Variants in SSBP2 observed in about 807,000 individuals in gnomAD.
SSBP2 encodes the protein single stranded DNA binding protein 2, also known as single-stranded DNA-binding protein 2.
Under a neutral mutation model 61.8 loss-of-function variants are expected in SSBP2, and 17 were observed. That is an observed-to-expected ratio of 0.28 (90% CI 0.19 to 0.41). The LOEUF (loss-of-function observed/expected upper bound fraction) is 0.41. Among genes scored for constraint, SSBP2 ranks in the 10% least tolerant of loss-of-function variants. The pLI is 1.00. For synonymous variants in SSBP2, 139 were observed against 141.3 expected, an observed-to-expected ratio of 0.98 and a Z score of 0.12; for missense variants, 310 against 458.7, an observed-to-expected ratio of 0.68 and a Z score of 2.96.
intron 2 of SSBP2, among the ~76,000 whole-genome samples, chr5:81,647,858 G>A (rs1732689806): frequency 1.3e-5 from 2 of 152,058 alleles, no homozygotes; most frequent in Non-Finnish European, 2.9e-5. Flanking sequence ...CAAAGCCTAG[G>A]AGTCTAGTAT....
At chr5:81,609,806 C>T (rs889243482) in intron 4 of SSBP2, among the ~76,000 whole-genome samples, 1 of 152,146 alleles carries the variant, frequency 6.6e-6, no homozygotes, top group Non-Finnish European at 1.5e-5. Flanking sequence ...TTGTGCCCAC[C>T]TTTCAGTGGT....
At chr5:81,465,013 T>TA (rs1395261272) in intron 9 of SSBP2, among the ~76,000 whole-genome samples, 1 of 152,012 alleles carries the variant, frequency 6.6e-6, no homozygotes, top group Non-Finnish European at 1.5e-5. Context: ...ATATAATAGT[T>TA]ACACTCTTAT....
At chr5:81,503,990 G>A (rs1182584005) in intron 5 of SSBP2, among the ~76,000 whole-genome samples, 14 of 152,146 alleles carry the variant, frequency 9.2e-5, no homozygotes, top group Admixed American at 9.2e-4. Flanking sequence ...CTTGAGGGTG[G>A]AAGGTGGGAG....
intron 1 of SSBP2, among the ~76,000 whole-genome samples, chr5:81,690,894 C>T (rs1374934476): frequency 1.3e-5 from 2 of 151,924 alleles, no homozygotes; most frequent in Non-Finnish European, 2.9e-5. Flanking sequence ...GAAATAAAAC[C>T]AGAACTCGGT....
chr5:81,642,102 G>A (rs578020216), intron 2 of SSBP2, among the ~76,000 whole-genome samples: 1 of 152,242 alleles, frequency 6.6e-6, no homozygotes, highest in African/African-American at 2.4e-5. Context: ...ATGATGGGTG[G>A]TATTGAGGAA....
Position 81,531,682 on chromosome 5 carries a change from C to T in SSBP2, c.283-17965G>A, listed in dbSNP as rs555141881. On this transcript the variant is annotated intron_variant, in intron 4 of 16. Coordinates refer to ENST00000320672, the MANE Select transcript of SSBP2 (RefSeq NM_012446.5). Reference sequence around the variant, plus strand: ...GCTGTAGACCAATCATTTTAAAATGCTAGATAAGAAAGACAGTAAAGAAAT... The same window carrying T: ...GCTGTAGACCAATCATTTTAAAATGTTAGATAAGAAAGACAGTAAAGAAAT... 2.6e-5 allele frequency among the ~76,000 whole-genome samples: 4 copies of T among 152,032 alleles called. No homozygotes were observed. The East Asian group carries it at 7.8e-4, about 29-fold the overall frequency.
intron 12 of SSBP2, among the ~76,000 whole-genome samples, chr5:81,444,849 G>A (rs1763270150): frequency 6.6e-6 from 1 of 151,794 alleles, no homozygotes; most frequent in Admixed American, 6.6e-5. Context: ...ATGGCCAGGC[G>A]AGGTGGCTCA....
intron 1 of SSBP2, among the ~76,000 whole-genome samples, chr5:81,658,701 C>T (rs1750438098): frequency 6.6e-6 from 1 of 152,042 alleles, no homozygotes; most frequent in Admixed American, 6.6e-5. Context: ...AACGTAATGT[C>T]CTCCAGGTTC....
intron 1 of SSBP2, among the ~76,000 whole-genome samples, chr5:81,750,338 C>T (rs1221772695): frequency 1.4e-5 from 2 of 147,258 alleles, no homozygotes; most frequent in Admixed American, 6.7e-5. Flanking sequence ...GACGCCCAAC[C>T]CGCACACGCC....
chr5:81,533,437 A>C lies in SSBP2; in HGVS notation c.283-19720T>G, dbSNP rs76330324. Among the ~76,000 whole-genome samples, 69 of 152,238 alleles carry C rather than the reference A, an allele frequency of 4.5e-4. No homozygotes were observed. The East Asian group carries it at 0.013, about 28-fold the overall frequency. On this transcript the variant is annotated intron_variant, in intron 4 of 16. Coordinates refer to ENST00000320672, the MANE Select transcript of SSBP2 (RefSeq NM_012446.5). ...ACCAGAAAAGGAAATGTAAGAAAAGAAAACACAGTCAACATCCCTCATAAA... is the reference window on the plus strand; with the variant it reads ...ACCAGAAAAGGAAATGTAAGAAAAGCAAACACAGTCAACATCCCTCATAAA...
chr5:81,446,244 A>T (rs1763393152), intron 12 of SSBP2, among the ~76,000 whole-genome samples: 1 of 150,712 alleles, frequency 6.6e-6, no homozygotes, highest in Admixed American at 6.6e-5. Flanking sequence ...ACTGTTAACA[A>T]CCCCAAGACA....
intron 1 of SSBP2, among the ~76,000 whole-genome samples, chr5:81,700,628 C>A (rs1011017137): frequency 6.6e-6 from 1 of 152,248 alleles, no homozygotes; most frequent in Admixed American, 6.5e-5. Flanking sequence ...TTCAACTACA[C>A]TGAAAATCTC....
chr5:81,488,930 G>A (rs1766643588), intron 6 of SSBP2, among the ~76,000 whole-genome samples: 2 of 152,070 alleles, frequency 1.3e-5, no homozygotes, highest in South Asian at 4.1e-4. Context: ...ACTTTTTTCT[G>A]TAAAGATCCA....
At chr5:81,575,205 T>A (rs1561555514) in intron 4 of SSBP2, among the ~76,000 whole-genome samples, 1 of 151,862 alleles carries the variant, frequency 6.6e-6, no homozygotes, top group African/African-American at 2.4e-5. Context: ...GAGGTGGAGG[T>A]TGCAGTGAGC....
intron 3 of SSBP2, among the ~76,000 whole-genome samples, chr5:81,635,408 A>T (rs1748119160): frequency 6.6e-6 from 1 of 152,106 alleles, no homozygotes; most frequent in Non-Finnish European, 1.5e-5. Context: ...TTATTTTGGA[A>T]CAAGATTGAC....
intron 1 of SSBP2, among the ~76,000 whole-genome samples, chr5:81,737,351 T>A (rs1413678528): frequency 6.6e-6 from 1 of 151,264 alleles, no homozygotes; most frequent in Non-Finnish European, 1.5e-5. Flanking sequence ...TCTCTATGCT[T>A]CCTTTCTCCA....
chr5:81,633,937 G>C (rs1388715518), intron 3 of SSBP2, among the ~76,000 whole-genome samples: 2 of 152,282 alleles, frequency 1.3e-5, no homozygotes, highest in East Asian at 3.9e-4. Flanking sequence ...ACTTATTCGT[G>C]TTCCATCCAT....
At chr5:81,426,086 C>T (rs1278570064) in intron 16 of SSBP2, among the ~76,000 whole-genome samples, 1 of 152,194 alleles carries the variant, frequency 6.6e-6, no homozygotes. Context: ...AAGAGTTCTG[C>T]TTTTCCTTGA....
intron 1 of SSBP2, among the ~76,000 whole-genome samples, chr5:81,681,335 C>T (rs780132284): frequency 6.6e-5 from 10 of 151,930 alleles, no homozygotes; most frequent in East Asian, 1.9e-4. Flanking sequence ...GCCTGGCCAA[C>T]GTGGCAAAAC....
Sources: gnomAD v4.1 joint callset for allele counts (sites outside exome capture counted in the v4.1 genomes callset) on GRCh38, gnomAD v4.1.1 for gene constraint, MANE v1.5 for transcripts, NCBI Gene and HGNC (gene_info 2026-07-23, HGNC 2026-07-21) for gene names.